CHTOP: variants seen among roughly 807,000 people sequenced by gnomAD.
CHTOP encodes chromatin target of PRMT1, also known as chromatin target of PRMT1 protein.
CHTOP carries 18 observed loss-of-function variants against 33.6 expected under a neutral mutation model. The ratio of observed to expected loss-of-function variants is 0.54; its 90% CI spans 0.37 to 0.80. CHTOP has a LOEUF of 0.80. CHTOP is among the 30% of genes least tolerant of loss of function. The probability of loss-of-function intolerance (pLI) is 0.00; values close to 1 mark genes in which losing one functional copy is unlikely to be tolerated. For missense variants in CHTOP, 263 were observed against 336.8 expected, an observed-to-expected ratio of 0.78 and a Z score of 1.71; for synonymous variants, 117 against 127.7, an observed-to-expected ratio of 0.92 and a Z score of 0.56.
rs549979182 is a variant in CHTOP at position 153,636,243 on chromosome 1, A to G, written c.-17-329A>G. On this transcript the variant is annotated intron_variant, in intron 1 of 5. Coordinates refer to ENST00000368694, the MANE Select transcript of CHTOP (RefSeq NM_015607.4). ...CCATACCCAGCCACCTTGAAGTTAT[A>G]ATAATCTGAGGTAATTGCCATAGAA... 5.3e-4 allele frequency among the ~76,000 whole-genome samples: 81 copies of G among 151,942 alleles called. 1 individual carries two copies. The highest frequency in any genetic ancestry group is 3.5e-3 in the South Asian group (17 of 4,796).
At chr1:153,643,411 C>T (rs1668697684) in intron 5 of CHTOP, 47 bp downstream of exon 5, 1 of 1,464,030 alleles carries the variant, frequency 6.8e-7, no homozygotes, top group Non-Finnish European at 9.0e-7. Context: ...TTACTTTCCT[C>T]CCTTAAAAAC....
At chr1:153,641,833 CAG>C (rs1668634615) in intron 3 of CHTOP, among the ~76,000 whole-genome samples, 2 of 152,180 alleles carry the variant, frequency 1.3e-5, no homozygotes, top group Non-Finnish European at 2.9e-5. Flanking sequence ...CCTTTGAAGA[CAG>C]TGGTAGTCCA....
chr1:153,638,787 C>T (rs1379567462), intron 3 of CHTOP, among the ~76,000 whole-genome samples: 1 of 152,060 alleles, frequency 6.6e-6, no homozygotes, highest in African/African-American at 2.4e-5. Flanking sequence ...TCACAGCATC[C>T]TTTACTCTCT....
chr1:153,640,602 A>C (rs1319382480), intron 3 of CHTOP, among the ~76,000 whole-genome samples: 3 of 152,150 alleles, frequency 2.0e-5, no homozygotes, highest in African/African-American at 7.2e-5. Flanking sequence ...CAACATGACA[A>C]GACCCCGTCT....
chr1:153,642,219 A>T, intron 3 of CHTOP, 27 bp from the exon 4 acceptor site: 1 of 1,566,480 alleles, frequency 6.4e-7, no homozygotes, highest in Admixed American at 1.9e-5. Flanking sequence ...TTTGATCTCA[A>T]TCCCCTAACA....
intron 5 of CHTOP, 25 bp downstream of exon 5, chr1:153,643,389 A>G (rs1162376584): frequency 6.7e-7 from 1 of 1,501,556 alleles, no homozygotes; most frequent in African/African-American, 1.4e-5. Flanking sequence ...AACTTCAGAG[A>G]GTAGCTCCCC....
chr1:153,634,368 C>G (rs1668224596), intron 1 of CHTOP, 25 bp downstream of exon 1: 1 of 152,944 alleles, frequency 6.5e-6, no homozygotes, highest in Non-Finnish European at 1.5e-5. Flanking sequence ...TGAGAAGGAG[C>G]CGGGGGAGGT....
At chr1:153,634,879 G>A (rs1272040094) in intron 1 of CHTOP, among the ~76,000 whole-genome samples, 2 of 149,688 alleles carry the variant, frequency 1.3e-5, no homozygotes, top group East Asian at 3.9e-4. Flanking sequence ...GGGGGACGGA[G>A]TTTCGCTCTT....
At chr1:153,644,802 G>A (rs181699959) in intron 5 of CHTOP, among the ~76,000 whole-genome samples, 71 of 152,288 alleles carry the variant, frequency 4.7e-4, no homozygotes, top group African/African-American at 1.5e-3. Context: ...ATAGTTGCCA[G>A]TTAATTATTT....
chr1:153,642,017 A>C (rs1017312093), intron 3 of CHTOP, among the ~76,000 whole-genome samples: 23 of 152,230 alleles, frequency 1.5e-4, no homozygotes, highest in African/African-American at 5.5e-4. Flanking sequence ...TCATGGGACC[A>C]CACTTGAGCT....
At chr1:153,640,663 C>T (rs560981465) in intron 3 of CHTOP, among the ~76,000 whole-genome samples, 2 of 152,036 alleles carry the variant, frequency 1.3e-5, no homozygotes, top group Non-Finnish European at 2.9e-5. Context: ...CCCAGCTACT[C>T]GGGAGGCTGA....
chr1:153,638,472 C>G (rs770715046), intron 3 of CHTOP, 24 bp downstream of exon 3: 2 of 1,613,780 alleles, frequency 1.2e-6, no homozygotes, highest in Non-Finnish European at 1.7e-6. Flanking sequence ...TCTTAATGCT[C>G]CAGAAGCAGC....
Position 153,642,390 on chromosome 1 carries a change from G to A in CHTOP, c.364G>A (p.Ala122Thr). 1 of 1,614,042 alleles carries A rather than the reference G, an allele frequency of 6.2e-7. No homozygotes were observed. The highest frequency in any genetic ancestry group is 8.5e-7 in the Non-Finnish European group (1 of 1,179,952). Residue 122 changes from alanine (A) to threonine (T), a missense_variant, in exon 4 of 6, where the codon GCC becomes ACC. Ala to Thr is a moderately conservative substitution (Grantham distance 58, BLOSUM62 0). This residue lies in a region of CHTOP where 168 missense variants were observed against 179.9 expected (regional missense o/e 0.93). Transcript: ENST00000368694. ...CAGAGGAGGACTACGTGGGGGACGT[G>A]CCACCAGAACCCTACTTAGGGGCGG... The part of the protein sequence containing the change: ...LPRGGLRGGR[A>T]TRTLLRGGMS...
At chr1:153,636,837 A>G (rs987187983) in intron 2 of CHTOP, 184 bp downstream of exon 2, 32 of 573,674 alleles carry the variant, frequency 5.6e-5, no homozygotes, top group African/African-American at 5.2e-4. Context: ...ACCCCTTATC[A>G]GTAGACTTTT....
intron 3 of CHTOP, among the ~76,000 whole-genome samples, chr1:153,639,806 T>C (rs186563858): frequency 6.6e-6 from 1 of 150,612 alleles, no homozygotes; most frequent in South Asian, 2.1e-4. Context: ...GTTTGGTTTG[T>C]TTTGAGACGG....
intron 5 of CHTOP, chr1:153,644,169 G>A (rs758877574): frequency 8.5e-5 from 13 of 152,196 alleles, no homozygotes; most frequent in Non-Finnish European, 1.8e-4. Context: ...CATAACTTAT[G>A]ACCTTGAAGT....
chr1:153,641,495 C>T (rs1204948303), intron 3 of CHTOP, among the ~76,000 whole-genome samples: 2 of 152,102 alleles, frequency 1.3e-5, no homozygotes, highest in African/African-American at 2.4e-5. Context: ...TTCTAACATA[C>T]GTTTGGCTGG....
At chr1:153,637,754 T>C (rs1668461040) in intron 2 of CHTOP, 1 of 153,132 alleles carries the variant, frequency 6.5e-6, no homozygotes, top group African/African-American at 2.4e-5. Context: ...GCATATGTGC[T>C]TCTCTCCTTA....
At chr1:153,643,390 G>A (rs1054805155) in intron 5 of CHTOP, 26 bp downstream of exon 5, 1 of 1,497,458 alleles carries the variant, frequency 6.7e-7, no homozygotes, top group Non-Finnish European at 8.9e-7. Context: ...ACTTCAGAGA[G>A]TAGCTCCCCC....
Sources: gnomAD v4.1 joint callset for allele counts (sites outside exome capture counted in the v4.1 genomes callset) on GRCh38, gnomAD v4.1.1 for gene constraint, gnomAD v4.1.1 regional missense constraint, MANE v1.5 for transcripts, NCBI Gene and HGNC (gene_info 2026-07-23, HGNC 2026-07-21) for gene names.